The following ARNT variants were observed in gnomAD, a reference collection of about 807,000 sequenced individuals.
ARNT encodes the protein class E basic helix-loop-helix protein 2.
ARNT carries 30 observed loss-of-function variants against 105.0 expected under a neutral mutation model. The observed-to-expected ratio is 0.29, with a 90% CI of 0.21 to 0.39. The LOEUF is 0.39. Among genes scored for constraint, ARNT ranks in the 10% least tolerant of loss-of-function variants. The probability of loss-of-function intolerance (pLI) is 1.00; values close to 1 mark genes in which losing one functional copy is unlikely to be tolerated. For missense variants in ARNT, 748 were observed against 978.7 expected, an observed-to-expected ratio of 0.76 and a Z score of 3.15; for synonymous variants, 304 against 344.0, an observed-to-expected ratio of 0.88 and a Z score of 1.29.
intron 7 of ARNT, 87 bp downstream of exon 7, chr1:150,836,193 C>T: frequency 7.4e-7 from 1 of 1,349,546 alleles, no homozygotes; most frequent in Non-Finnish European, 1.0e-6. Context: ...AGTCAACAAA[C>T]CAATTTAACA....
intron 4 of ARNT, among the ~76,000 whole-genome samples, chr1:150,845,113 TACTGTCATTTTTAA>T (rs1351255502): frequency 6.6e-6 from 1 of 152,036 alleles, no homozygotes; most frequent in Non-Finnish European, 1.5e-5. Flanking sequence ...CCCCGCCTCT[TACTGTCATTTTTAA>T]AAAAACAGGA....
intron 1 of ARNT, among the ~76,000 whole-genome samples, chr1:150,872,976 T>C (rs915331342): frequency 6.6e-6 from 1 of 150,576 alleles, no homozygotes; most frequent in African/African-American, 2.4e-5. Context: ...GGAAAAAAAA[T>C]GTGTTCCTCA....
At chr1:150,836,742 G>A (rs931621727) in intron 6 of ARNT, among the ~76,000 whole-genome samples, 1 of 151,798 alleles carries the variant, frequency 6.6e-6, no homozygotes, top group Non-Finnish European at 1.5e-5. Context: ...CAGGATTCAA[G>A]AAGAATAAAA....
intron 3 of ARNT, among the ~76,000 whole-genome samples, chr1:150,850,035 GA>G (rs1210424531): frequency 6.6e-6 from 1 of 152,144 alleles, no homozygotes; most frequent in Non-Finnish European, 1.5e-5. Flanking sequence ...CTGGGCAACA[GA>G]GGAAGACTCT....
chr1:150,871,112 G>C (rs1667350942), intron 1 of ARNT, among the ~76,000 whole-genome samples: 3 of 152,066 alleles, frequency 2.0e-5, no homozygotes, highest in Admixed American at 2.0e-4. Flanking sequence ...CTACAGACTA[G>C]ACATAAAGAT....
intron 7 of ARNT, among the ~76,000 whole-genome samples, chr1:150,835,824 AAAC>A (rs886136970): frequency 1.3e-4 from 20 of 148,240 alleles, no homozygotes; most frequent in East Asian, 4.0e-4. Flanking sequence ...GTACAGATAC[AAAC>A]AACAACAACA....
chr1:150,823,341 A>C lies in ARNT; in HGVS notation c.1247T>G (p.Val416Gly). The C allele has an allele frequency of 6.3e-7, 1 of 1,593,944 alleles. No homozygotes were observed. Among genetic ancestry groups the C allele is most frequent in the Non-Finnish European group, 8.6e-7 (1 of 1,168,020 alleles). The change falls in exon 14 of 22, where the codon GTG becomes GGG. Residue 416 changes from valine to glycine, a missense_variant. By Grantham distance (109) the Val-to-Gly change is moderately radical. Transcript: ENST00000358595. ...AGACAGCACTTGGCCTTTTAATTTC[A>C]CTACCTGAAAAAGTTTTCATGCCAT... ...QLLRDSFQQV[V>G]KLKGQVLSVM...
intron 2 of ARNT, among the ~76,000 whole-genome samples, 199 bp downstream of exon 2, chr1:150,858,150 C>T (rs587706206): frequency 3.3e-5 from 5 of 152,196 alleles, no homozygotes; most frequent in South Asian, 2.1e-4. Flanking sequence ...GAACTGCTTA[C>T]GGGAAACTTG....
intron 1 of ARNT, among the ~76,000 whole-genome samples, chr1:150,868,419 C>G (rs935006631): frequency 6.6e-6 from 1 of 152,148 alleles, no homozygotes; most frequent in African/African-American, 2.4e-5. Context: ...AAGGAACAAT[C>G]AGTGATAAAG....
At chr1:150,870,634 C>T (rs940716886) in intron 1 of ARNT, among the ~76,000 whole-genome samples, 1 of 152,020 alleles carries the variant, frequency 6.6e-6, no homozygotes, top group African/African-American at 2.4e-5. Context: ...CAGTCTCCCA[C>T]GTAGCTGGGA....
intron 1 of ARNT, among the ~76,000 whole-genome samples, chr1:150,865,982 G>GTTT (rs199854652): frequency 1.5e-5 from 2 of 137,734 alleles, no homozygotes; most frequent in Admixed American, 7.3e-5. Flanking sequence ...TTACTCCAAA[G>GTTT]TTTTTTTTTT....
chr1:150,848,964 G>A (rs1662787842), intron 3 of ARNT, among the ~76,000 whole-genome samples: 1 of 152,090 alleles, frequency 6.6e-6, no homozygotes, highest in Non-Finnish European at 1.5e-5. Flanking sequence ...AGCACTTTGG[G>A]AGGCCGAGGT....
Position 150,850,680 on chromosome 1 carries a change from T to C in ARNT, c.182+2082A>G, listed in dbSNP as rs587695555. Among the ~76,000 whole-genome samples the C allele has an allele frequency of 3.9e-3, 594 of 152,362 alleles. 1 individual carries two copies. The highest frequency in any genetic ancestry group is 0.013 in the African/African-American group (542 of 41,594). ...GCCTTGGCTTCCCAAAGTGCCAGGA[T>C]TGCAGCCTCTGCCTGGCCGCCACCC... is the stretch of plus-strand genomic sequence containing the variant. On this transcript the variant is annotated intron_variant, in intron 3 of 21. Transcript: ENST00000358595.
chr1:150,829,288 A>G (rs1658883515), intron 11 of ARNT, 61 bp from the exon 12 acceptor site: 1 of 1,534,116 alleles, frequency 6.5e-7, no homozygotes, highest in African/African-American at 1.4e-5. Flanking sequence ...TGTATTTCCT[A>G]TCTCCTCATG....
At chr1:150,823,552 CTTTTTT>C (rs34223160) in intron 13 of ARNT, among the ~76,000 whole-genome samples, 1 of 132,838 alleles carries the variant, frequency 7.5e-6, no homozygotes. Flanking sequence ...GAGACTTAAG[CTTTTTT>C]TTTTTTTTTT....
intron 3 of ARNT, among the ~76,000 whole-genome samples, chr1:150,849,813 C>G (rs1440737459): frequency 6.6e-6 from 1 of 152,062 alleles, no homozygotes; most frequent in Admixed American, 6.6e-5. Context: ...GCCTATAACC[C>G]CAGCCCTTTG....
chr1:150,842,358 G>C, intron 5 of ARNT, 66 bp downstream of exon 5: 1 of 1,571,152 alleles, frequency 6.4e-7, no homozygotes, highest in East Asian at 2.3e-5. Flanking sequence ...AAAAGAAAGA[G>C]TAAGAAAAAG....
chr1:150,845,730 C>T (rs587749050), intron 4 of ARNT, among the ~76,000 whole-genome samples: 11 of 152,086 alleles, frequency 7.2e-5, no homozygotes, highest in African/African-American at 2.7e-4. Context: ...GGTGAAACCC[C>T]ATCTCTACTA....
At position 150,871,939 on chromosome 1, in the gene ARNT, TG is replaced by T. The variant is rs1667528699; in HGVS notation, c.25+4603del. On this transcript the variant is annotated intron_variant, in intron 1 of 21. Transcript: ENST00000358595. ...AAAAAAAAAAAAAAAAAAAGGCCTTTGCAATATAATAAAATACTATCTCTTT... is the reference window on the plus strand; with the variant it reads ...AAAAAAAAAAAAAAAAAAAGGCCTTTCAATATAATAAAATACTATCTCTTT... Among the ~76,000 whole-genome samples the T allele has an allele frequency of 1.4e-5, 2 of 146,132 alleles. 1 individual carries two copies. Among genetic ancestry groups the T allele is most frequent in the Admixed American group, 1.4e-4 (2 of 14,690 alleles).
Sources: gnomAD v4.1 joint callset for allele counts (sites outside exome capture counted in the v4.1 genomes callset) on GRCh38, gnomAD v4.1.1 for gene constraint, MANE v1.5 for transcripts, NCBI Gene and HGNC (gene_info 2026-07-23, HGNC 2026-07-21) for gene names.